Variants in SSH2 observed in about 807,000 individuals in gnomAD.
SSH2 encodes the protein protein phosphatase Slingshot homolog 2.
A neutral mutation model predicts 135.2 loss-of-function variants in SSH2; 37 were observed. The observed-to-expected ratio is 0.27, with a 90% CI of 0.21 to 0.36. The LOEUF (loss-of-function observed/expected upper bound fraction) is 0.36. Ranked by LOEUF, SSH2 falls within the 10% of genes least tolerant of loss-of-function variation. SSH2 has a pLI of 1.00. For missense variants in SSH2, 1,408 were observed against 1,765.3 expected, an observed-to-expected ratio of 0.80 and a Z score of 3.63; for synonymous variants, 628 against 646.2, an observed-to-expected ratio of 0.97 and a Z score of 0.43.
At chr17:29,846,522 CTGATAA>C (rs1222101670) in intron 2 of SSH2, among the ~76,000 whole-genome samples, 1 of 152,200 alleles carries the variant, frequency 6.6e-6, no homozygotes, top group East Asian at 1.9e-4. Flanking sequence ...CTGCAAAATA[CTGATAA>C]TAAGTGTTCA....
chr17:29,748,971 A>T (rs968601648), intron 3 of SSH2, among the ~76,000 whole-genome samples: 3 of 152,344 alleles, frequency 2.0e-5, no homozygotes, highest in Middle Eastern at 6.8e-3. Context: ...TTATGTAAGG[A>T]TGATTCAACT....
intron 1 of SSH2, among the ~76,000 whole-genome samples, chr17:29,867,536 CTGTTATTTCCTTACAGAA>C (rs1327730157): frequency 6.6e-6 from 1 of 152,262 alleles, no homozygotes; most frequent in East Asian, 1.9e-4. Context: ...AGGTGGAGTT[CTGTTATTTCCTTACAGAA>C]TGAAGGTTTG....
At chr17:29,680,608 A>G (rs1474744554) in intron 6 of SSH2, among the ~76,000 whole-genome samples, 3 of 148,556 alleles carry the variant, frequency 2.0e-5, no homozygotes, top group African/African-American at 4.9e-5. Context: ...AGGAGATTCA[A>G]ATCAAGACTG....
At chr17:29,851,593 CA>C (rs976091548) in intron 1 of SSH2, among the ~76,000 whole-genome samples, 17 of 150,494 alleles carry the variant, frequency 1.1e-4, no homozygotes, top group South Asian at 2.1e-4. Flanking sequence ...AACGCCATCT[CA>C]AAAAAAATTA....
intron 3 of SSH2, among the ~76,000 whole-genome samples, chr17:29,709,015 T>TATATATAGAGAGAGAGAGAGAGAG (rs780981175): frequency 1.2e-5 from 1 of 81,588 alleles, no homozygotes; most frequent in Non-Finnish European, 2.5e-5. Flanking sequence ...TATATATATA[T>TATATATAGAGAGAGAGAGAGAGAG]AGAGAGAGAG....
At chr17:29,847,846 C>G (rs528817054) in intron 2 of SSH2, among the ~76,000 whole-genome samples, 2 of 152,288 alleles carry the variant, frequency 1.3e-5, no homozygotes, top group East Asian at 3.9e-4. Context: ...AGTTACTGCC[C>G]CTTTCCTAGA....
rs146647160 is a variant in SSH2 at position 29,717,543 on chromosome 17, C to T, written c.189-14481G>A. On this transcript the variant is annotated intron_variant, in intron 3 of 15. Transcript: ENST00000540801. ...CTGGCCAGAGATGAGCAGTGGCTGC[C>T]ATTTTAGACATGAGATGGTGTTAAG... Among the ~76,000 whole-genome samples, 3 of 152,320 alleles carry T rather than the reference C, an allele frequency of 2.0e-5. No homozygotes were observed. The East Asian group carries it at 5.8e-4, about 29-fold the overall frequency.
intron 11 of SSH2, among the ~76,000 whole-genome samples, chr17:29,661,928 T>C (rs572728403): frequency 6.6e-6 from 1 of 152,256 alleles, no homozygotes; most frequent in Non-Finnish European, 1.5e-5. Context: ...CAGGTTCAGT[T>C]TGAAAGACCT....
chr17:29,901,962 T>A (rs2066565531), intron 1 of SSH2, among the ~76,000 whole-genome samples: 1 of 152,092 alleles, frequency 6.6e-6, no homozygotes, highest in Non-Finnish European at 1.5e-5. Flanking sequence ...TTTAATTTTT[T>A]TTTTGTAGAG....
chr17:29,748,199 T>C (rs1289995296), intron 3 of SSH2, among the ~76,000 whole-genome samples: 1 of 152,188 alleles, frequency 6.6e-6, no homozygotes, highest in East Asian at 1.9e-4. Flanking sequence ...CCCTCAGTTA[T>C]AGGTTAATTA....
chr17:29,719,806 G>A (rs2039760623), intron 3 of SSH2, among the ~76,000 whole-genome samples: 1 of 152,140 alleles, frequency 6.6e-6, no homozygotes, highest in African/African-American at 2.4e-5. Context: ...GCCCAGGCTG[G>A]AGTGCAATGG....
chr17:29,627,478 G>C lies in SSH2; in HGVS notation c.*3363C>G, dbSNP rs575191687. 2.0e-5 allele frequency: 3 copies of C among 152,502 alleles called. No individual in the cohort carries two copies. The East Asian group carries it at 5.8e-4, about 29-fold the overall frequency. 9.4% of individuals were successfully genotyped at this position (152,502 alleles called of 1,614,324 possible). A position where few individuals can be genotyped will look rare whatever the true frequency, so the allele number is the denominator to read the frequency against. On this transcript the variant is annotated 3_prime_UTR_variant, in exon 16 of 16. Transcript: ENST00000540801. ...AGTACCTCAGAGCCTGAGGCACTGA[G>C]ATCTTCAGGCTGTCCTTGGAGCTCT...
intron 11 of SSH2, among the ~76,000 whole-genome samples, chr17:29,664,359 C>A (rs989998129): frequency 3.8e-4 from 54 of 140,582 alleles, no homozygotes; most frequent in South Asian, 2.6e-3. Flanking sequence ...GGCGACAGAG[C>A]GAGACTCCGT....
chr17:29,861,910 G>A (rs938546417), intron 1 of SSH2, among the ~76,000 whole-genome samples: 1 of 152,132 alleles, frequency 6.6e-6, no homozygotes, highest in Non-Finnish European at 1.5e-5. Context: ...AGAATCCAGT[G>A]TTTACACCAA....
intron 5 of SSH2, among the ~76,000 whole-genome samples, chr17:29,690,471 T>G (rs2038421796): frequency 1.3e-5 from 2 of 151,466 alleles, no homozygotes. Context: ...CCTGTGTGCA[T>G]GATGTAAGAC....
chr17:29,626,282 G>GAAAAAAA lies in SSH2; in HGVS notation c.*4552_*4558dup, dbSNP rs111277103. The GAAAAAAA allele has an allele frequency of 1.1e-5, 1 of 91,670 alleles. No homozygotes were observed. Among genetic ancestry groups the GAAAAAAA allele is most frequent in the Non-Finnish European group, 2.4e-5 (1 of 42,376 alleles). The allele number at this position is 91,670 out of a possible 1,614,324, so 5.7% of individuals were successfully genotyped here. ...CAAGTCCTACAAAACAAAGCAGAAA[G>GAAAAAAA]AAAAAAAAAAAAAAAGAAAAGTAAA... On this transcript the variant is annotated 3_prime_UTR_variant, in exon 16 of 16. Transcript: ENST00000540801.
chr17:29,783,882 C>T (rs1231304239), intron 3 of SSH2, among the ~76,000 whole-genome samples: 10 of 149,150 alleles, frequency 6.7e-5, no homozygotes, highest in South Asian at 2.1e-4. Context: ...CCGGCTAAAA[C>T]GGTGAAACCC....
intron 3 of SSH2, among the ~76,000 whole-genome samples, chr17:29,725,500 A>G (rs2039973335): frequency 1.3e-5 from 2 of 152,216 alleles, no homozygotes. Flanking sequence ...AACCAACCCA[A>G]ATGCCCATCA....
intron 14 of SSH2, 49 bp from the exon 15 acceptor site, chr17:29,636,851 A>C: frequency 7.7e-7 from 1 of 1,298,986 alleles, no homozygotes; most frequent in East Asian, 2.3e-5. Context: ...TGTAAAGATA[A>C]TCAACACCCT....
Sources: allele counts gnomAD v4.1 joint callset (sites outside exome capture counted in the v4.1 genomes callset), GRCh38; gene constraint gnomAD v4.1.1; transcripts MANE v1.5; gene names NCBI Gene and HGNC (gene_info 2026-07-23, HGNC 2026-07-21).